Variants in FGF1 observed in about 807,000 individuals in gnomAD.
The protein encoded by FGF1 is fibroblast growth factor 1.
Under a neutral mutation model 13.4 loss-of-function variants are expected in FGF1, and 9 were observed. That is an observed-to-expected ratio of 0.67 (90% CI 0.40 to 1.17). The LOEUF is 1.17. FGF1 is among the 50% of genes most tolerant of loss of function. The pLI is 0.01. For synonymous variants in FGF1, 93 were observed against 79.0 expected, an observed-to-expected ratio of 1.18 and a Z score of -0.94; for missense variants, 156 against 192.7, an observed-to-expected ratio of 0.81 and a Z score of 1.13.
At chr5:142,635,457 G>GC (rs200157386) in intron 1 of FGF1, among the ~76,000 whole-genome samples, 132 of 152,140 alleles carry the variant, frequency 8.7e-4, no homozygotes, top group African/African-American at 2.7e-3. Flanking sequence ...AATAGAATAT[G>GC]CCCCCCCGCC....
intron 1 of FGF1, among the ~76,000 whole-genome samples, chr5:142,627,940 C>T (rs1286763110): frequency 6.6e-6 from 1 of 152,180 alleles, no homozygotes; most frequent in Non-Finnish European, 1.5e-5. Context: ...CCTGTTTCAG[C>T]ACCACCGATG....
intron 1 of FGF1, among the ~76,000 whole-genome samples, chr5:142,657,296 C>T (rs1768335640): frequency 6.6e-6 from 1 of 152,162 alleles, no homozygotes; most frequent in Non-Finnish European, 1.5e-5. Context: ...TGAATCTTTC[C>T]CTTCAGCCCC....
chr5:142,661,977 G>A (rs573002431), intron 1 of FGF1, among the ~76,000 whole-genome samples: 1 of 152,052 alleles, frequency 6.6e-6, no homozygotes, highest in African/African-American at 2.4e-5. Context: ...TCCAGCCTGG[G>A]CGACAGAGCA....
intron 1 of FGF1, among the ~76,000 whole-genome samples, chr5:142,677,629 C>T (rs1381120039): frequency 6.6e-6 from 1 of 152,128 alleles, no homozygotes; most frequent in African/African-American, 2.4e-5. Flanking sequence ...CTTTCCAGAG[C>T]TATAAGGGAC....
intron 1 of FGF1, among the ~76,000 whole-genome samples, chr5:142,676,623 G>A (rs905255049): frequency 1.3e-5 from 2 of 152,226 alleles, no homozygotes; most frequent in Non-Finnish European, 2.9e-5. Context: ...GCCACAGGCT[G>A]TGGCTCTGAA....
At chr5:142,694,056 C>A (rs186112232) in intron 2 of FGF1, among the ~76,000 whole-genome samples, 9 of 151,648 alleles carry the variant, frequency 5.9e-5, no homozygotes, top group Admixed American at 4.6e-4. Context: ...AAGATTTACC[C>A]GAAGAATTTA....
At chr5:142,659,136 A>T (rs1382213703) in intron 1 of FGF1, among the ~76,000 whole-genome samples, 1 of 151,724 alleles carries the variant, frequency 6.6e-6, no homozygotes, top group Non-Finnish European at 1.5e-5. Context: ...TCCTTGTTAT[A>T]GTGAAACAGG....
At chr5:142,637,941 T>C (rs1412339854) in intron 1 of FGF1, among the ~76,000 whole-genome samples, 1 of 152,060 alleles carries the variant, frequency 6.6e-6, no homozygotes, top group Non-Finnish European at 1.5e-5. Flanking sequence ...TCTGTGGGGC[T>C]TGGTGATGCT....
chr5:142,684,553 G>C (rs1284944820), intron 1 of FGF1, among the ~76,000 whole-genome samples: 1 of 152,184 alleles, frequency 6.6e-6, no homozygotes, highest in African/African-American at 2.4e-5. Flanking sequence ...TGTTGATCTT[G>C]CCTTCAGATC....
intron 1 of FGF1, among the ~76,000 whole-genome samples, chr5:142,671,276 A>G (rs932319756): frequency 2.0e-5 from 3 of 152,208 alleles, no homozygotes; most frequent in African/African-American, 7.2e-5. Context: ...TTAACAAATG[A>G]TGTCCAGTAT....
chr5:142,675,146 G>A (rs1018059801), intron 1 of FGF1, among the ~76,000 whole-genome samples: 5 of 152,332 alleles, frequency 3.3e-5, no homozygotes, highest in Admixed American at 2.0e-4. Context: ...GATCCACCCT[G>A]AACCAGCTGT....
intron 1 of FGF1, among the ~76,000 whole-genome samples, chr5:142,683,094 T>C (rs1774014843): frequency 6.6e-6 from 1 of 152,232 alleles, no homozygotes; most frequent in Non-Finnish European, 1.5e-5. Context: ...CTCACCCACA[T>C]GTATAGATGT....
intron 1 of FGF1, among the ~76,000 whole-genome samples, chr5:142,632,323 AAGG>A (rs897848328): frequency 7.9e-5 from 12 of 152,316 alleles, no homozygotes; most frequent in African/African-American, 2.9e-4. Context: ...CAAAATGACT[AAGG>A]AGACTTAAAG....
intron 1 of FGF1, among the ~76,000 whole-genome samples, chr5:142,658,983 C>G (rs999326713): frequency 5.3e-5 from 8 of 152,070 alleles, no homozygotes; most frequent in African/African-American, 1.9e-4. Flanking sequence ...CTGAGATGAG[C>G]TGGGTATAAT....
At chr5:142,613,912 CAGA>C (rs1759620625) in intron 2 of FGF1, 44 bp downstream of exon 2, 2 of 1,594,712 alleles carry the variant, frequency 1.3e-6, no homozygotes, top group South Asian at 1.1e-5. Context: ...ACCTTGACTA[CAGA>C]AGATGTCAGA....
chr5:142,640,786 G>T (rs894319861), intron 1 of FGF1, among the ~76,000 whole-genome samples: 1 of 151,880 alleles, frequency 6.6e-6, no homozygotes, highest in Non-Finnish European at 1.5e-5. Context: ...GTGCATATTG[G>T]CTGTGGCTGT....
intron 1 of FGF1, among the ~76,000 whole-genome samples, chr5:142,636,931 G>A (rs891201671): frequency 7.2e-5 from 11 of 152,026 alleles, no homozygotes; most frequent in African/African-American, 2.4e-4. Flanking sequence ...AGGCTGGGAT[G>A]TGATGTTATC....
At chr5:142,652,536 C>T (rs1345165345) in intron 1 of FGF1, among the ~76,000 whole-genome samples, 10 of 152,164 alleles carry the variant, frequency 6.6e-5, no homozygotes, top group Admixed American at 2.6e-4. Context: ...AGCTAATTAC[C>T]CTGAAGACCC....
At chr5:142,618,683 G>C (rs1046140715) in intron 1 of FGF1, among the ~76,000 whole-genome samples, 1 of 152,032 alleles carries the variant, frequency 6.6e-6, no homozygotes, top group Admixed American at 6.6e-5. Flanking sequence ...GAAGATGAAA[G>C]GCACAAAGGT....
Sources: gnomAD v4.1 joint callset for allele counts (sites outside exome capture counted in the v4.1 genomes callset) on GRCh38, gnomAD v4.1.1 for gene constraint, MANE v1.5 for transcripts, NCBI Gene and HGNC (gene_info 2026-07-23, HGNC 2026-07-21) for gene names.